Variants in CEMIP observed in about 807,000 individuals in gnomAD.
The protein encoded by CEMIP is cell migration-inducing and hyaluronan-binding protein.
A neutral mutation model predicts 156.9 loss-of-function variants in CEMIP; 105 were observed. That is an observed-to-expected ratio of 0.67 (90% CI 0.57 to 0.79). CEMIP has a LOEUF of 0.79. Ranked by LOEUF, CEMIP falls within the 30% of genes least tolerant of loss-of-function variation. The probability of loss-of-function intolerance (pLI) is 0.00; values close to 1 mark genes in which losing one functional copy is unlikely to be tolerated. For missense variants in CEMIP, 1,457 were observed against 1,769.4 expected (o/e 0.82, Z 3.17); for synonymous variants, 676 against 668.4 (o/e 1.01, Z -0.17).
intron 1 of CEMIP, among the ~76,000 whole-genome samples, chr15:80,785,470 T>C (rs759725224): frequency 6.6e-6 from 1 of 151,978 alleles, no homozygotes; most frequent in Non-Finnish European, 1.5e-5. Flanking sequence ...ATAAGTTGAG[T>C]ACAAGTTTTT....
intron 4 of CEMIP, 53 bp downstream of exon 4, chr15:80,878,920 AG>A: frequency 6.2e-7 from 1 of 1,609,654 alleles, no homozygotes; most frequent in Non-Finnish European, 8.5e-7. Context: ...CCCAGAGCTT[AG>A]CAGATAGGAT....
chr15:80,780,918 C>A (rs1445255125), intron 1 of CEMIP, among the ~76,000 whole-genome samples: 1 of 152,168 alleles, frequency 6.6e-6, no homozygotes, highest in Non-Finnish European at 1.5e-5. Context: ...CGCTGGGGCC[C>A]TCGGTATTAC....
chr15:80,787,687 A>G (rs74030609), intron 1 of CEMIP, among the ~76,000 whole-genome samples: 3,674 of 152,262 alleles, frequency 0.024, 152 homozygotes, highest in African/African-American at 0.084. Context: ...CTGATCTCTT[A>G]GCACTGGTAG....
chr15:80,797,220 T>C (rs1252627473), intron 1 of CEMIP, among the ~76,000 whole-genome samples: 1 of 152,218 alleles, frequency 6.6e-6, no homozygotes, highest in Middle Eastern at 3.2e-3. Flanking sequence ...TTGCAGATCA[T>C]TATAGATGAT....
rs2271162 is a variant in CEMIP, at chr15:80,922,270, A to C, written c.2202+133A>C. 261,511 of 1,235,584 alleles carry C rather than the reference A, an allele frequency of 0.21. 28,928 individuals are homozygous for C. Among genetic ancestry groups the C allele is most frequent in the East Asian group, 0.25 (10,165 of 41,320 alleles). The allele number at this position is 1,235,584 out of a possible 1,614,324, so 76.5% of individuals were successfully genotyped here. A position where few individuals can be genotyped will look rare whatever the true frequency, so the allele number is the denominator to read the frequency against. On this transcript the variant is annotated intron_variant, in intron 17 of 29. Coordinates refer to ENST00000394685, the MANE Select transcript of CEMIP (RefSeq NM_001293298.2). ...CATTCTTAATGCTGGTCTCGAAGAAAATGGAGCAGCCTTGCGAGGCCTCCC... is the reference window on the plus strand; with the variant it reads ...CATTCTTAATGCTGGTCTCGAAGAACATGGAGCAGCCTTGCGAGGCCTCCC...
chr15:80,827,747 C>T (rs1897071793), intron 1 of CEMIP, among the ~76,000 whole-genome samples: 1 of 152,184 alleles, frequency 6.6e-6, no homozygotes. Flanking sequence ...ATACCTGAGA[C>T]TTGGAGAAAT....
chr15:80,882,129 A>G (rs28574968), intron 6 of CEMIP, among the ~76,000 whole-genome samples: 3,843 of 152,252 alleles, frequency 0.025, 157 homozygotes, highest in African/African-American at 0.088. Context: ...AGGCAGCAGG[A>G]GCCAGCTACG....
chr15:80,785,370 G>T (rs1895904139), intron 1 of CEMIP, among the ~76,000 whole-genome samples: 1 of 152,218 alleles, frequency 6.6e-6, no homozygotes, highest in Non-Finnish European at 1.5e-5. Flanking sequence ...CTGGGAGGAT[G>T]AACTGGTCAT....
At chr15:80,845,383 A>G (rs1897528463) in intron 1 of CEMIP, among the ~76,000 whole-genome samples, 1 of 152,128 alleles carries the variant, frequency 6.6e-6, no homozygotes, top group Non-Finnish European at 1.5e-5. Flanking sequence ...GTGAGCAGTG[A>G]TCACACCACT....
At chr15:80,842,154 T>TA in intron 1 of CEMIP, 1 of 497,280 alleles carries the variant, frequency 2.0e-6, no homozygotes, top group South Asian at 1.5e-5. Flanking sequence ...GTACCATTTG[T>TA]ACGTGTATTA....
intron 14 of CEMIP, among the ~76,000 whole-genome samples, chr15:80,919,630 T>G (rs145346394): frequency 0.022 from 3,324 of 152,150 alleles, 111 homozygotes; most frequent in African/African-American, 0.075. Flanking sequence ...TGGCCAACAT[T>G]GTGAAACCCA....
chr15:80,806,811 C>T (rs989895507), intron 1 of CEMIP, among the ~76,000 whole-genome samples: 2 of 152,196 alleles, frequency 1.3e-5, no homozygotes, highest in African/African-American at 2.4e-5. Flanking sequence ...AAATGACCTC[C>T]GTCTATTTCT....
rs369255173 is a variant in CEMIP at position 80,791,765 on chromosome 15, A to C, written c.-176+12151A>C. Among the ~76,000 whole-genome samples, 8 of 152,238 alleles carry C rather than the reference A, an allele frequency of 5.3e-5. No individual in the cohort carries two copies. The East Asian group carries it at 1.5e-3, about 29-fold the overall frequency. ...ATGATTTTTTCATAATTCTTCATGA[A>C]TTCTTGGACACATTTCTAACTGCCT... On this transcript the variant is annotated intron_variant, in intron 1 of 29. Transcript: ENST00000394685.
intron 1 of CEMIP, among the ~76,000 whole-genome samples, chr15:80,823,150 A>G (rs532360419): frequency 2.0e-4 from 31 of 152,314 alleles, no homozygotes; most frequent in Admixed American, 1.4e-3. Context: ...GGAAATGGAG[A>G]AACGGTTTGT....
At chr15:80,821,277 A>C (rs539778346) in intron 1 of CEMIP, among the ~76,000 whole-genome samples, 5 of 152,200 alleles carry the variant, frequency 3.3e-5, no homozygotes, top group Non-Finnish European at 7.3e-5. Context: ...TTTCTGTTTT[A>C]TTCCTGGTGG....
At chr15:80,915,648 A>T (rs984920409) in intron 14 of CEMIP, among the ~76,000 whole-genome samples, 3 of 152,000 alleles carry the variant, frequency 2.0e-5, no homozygotes, top group Non-Finnish European at 2.9e-5. Context: ...TATAGACCAA[A>T]CGCTTCCCCC....
At chr15:80,938,864 G>C (rs960903247) in intron 25 of CEMIP, among the ~76,000 whole-genome samples, 1 of 152,194 alleles carries the variant, frequency 6.6e-6, no homozygotes, top group Non-Finnish European at 1.5e-5. Context: ...ATAGCAAACT[G>C]TGAGGAGTAA....
At chr15:80,785,750 G>C (rs547415625) in intron 1 of CEMIP, among the ~76,000 whole-genome samples, 1 of 152,246 alleles carries the variant, frequency 6.6e-6, no homozygotes, top group East Asian at 1.9e-4. Context: ...AGCTCAGAAA[G>C]GCCTAAACCC....
intron 17 of CEMIP, 144 bp from the exon 18 acceptor site, chr15:80,924,477 A>G: frequency 1.3e-6 from 1 of 743,230 alleles, no homozygotes; most frequent in Non-Finnish European, 2.4e-6. Context: ...CCCTTACTGT[A>G]GATCCTCTAC....
Sources: allele counts gnomAD v4.1 joint callset (sites outside exome capture counted in the v4.1 genomes callset), GRCh38; gene constraint gnomAD v4.1.1; transcripts MANE v1.5; gene names NCBI Gene and HGNC (gene_info 2026-07-23, HGNC 2026-07-21).